Variants in DISC1 observed in about 807,000 individuals in gnomAD.
DISC1 encodes the protein DISC1 scaffold protein.
DISC1 carries 57 observed loss-of-function variants against 84.5 expected under a neutral mutation model. The observed-to-expected ratio is 0.67, with a 90% CI of 0.55 to 0.84. The LOEUF is 0.84. DISC1 is among the 40% of genes least tolerant of loss of function. The probability of loss-of-function intolerance (pLI) is 0.00; values close to 1 mark genes in which losing one functional copy is unlikely to be tolerated. For synonymous variants in DISC1, 411 were observed against 415.2 expected (o/e 0.99, Z 0.12); for missense variants, 1,000 against 1,057.8 (o/e 0.95, Z 0.76).
chr1:231,752,437 C>T (rs898751498), intron 4 of DISC1, among the ~76,000 whole-genome samples: 11 of 152,130 alleles, frequency 7.2e-5, no homozygotes, highest in African/African-American at 2.4e-4. Context: ...AACGAGATCT[C>T]ATGAGAACTC....
intron 11 of DISC1, among the ~76,000 whole-genome samples, chr1:232,016,712 A>T (rs901787599): frequency 1.3e-5 from 2 of 152,222 alleles, no homozygotes; most frequent in African/African-American, 4.8e-5. Flanking sequence ...TTTTATTTAG[A>T]GCTTGTTTCT....
At chr1:231,655,036 A>G (rs2125318147) in intron 1 of DISC1, among the ~76,000 whole-genome samples, 1 of 152,314 alleles carries the variant, frequency 6.6e-6, no homozygotes, top group South Asian at 2.1e-4. Flanking sequence ...CTTTACACTC[A>G]GAAGTTTCTG....
At chr1:231,653,485 G>A (rs990368796) in intron 1 of DISC1, among the ~76,000 whole-genome samples, 4 of 152,164 alleles carry the variant, frequency 2.6e-5, no homozygotes, top group African/African-American at 9.7e-5. Context: ...AACTGGAAGT[G>A]GCAGATACTG....
chr1:231,653,143 T>A (rs2060777896), intron 1 of DISC1, among the ~76,000 whole-genome samples: 1 of 152,240 alleles, frequency 6.6e-6, no homozygotes, highest in Non-Finnish European at 1.5e-5. Flanking sequence ...TAAATTGGAA[T>A]GTTCATAGTT....
intron 12 of DISC1, among the ~76,000 whole-genome samples, chr1:232,030,616 C>T (rs1021570669): frequency 1.1e-4 from 16 of 152,180 alleles, no homozygotes; most frequent in African/African-American, 7.2e-5. Context: ...CTAAATACAT[C>T]CAGGTTTGTG....
intron 4 of DISC1, among the ~76,000 whole-genome samples, chr1:231,751,703 CAT>C (rs1351781000): frequency 6.6e-6 from 1 of 152,202 alleles, no homozygotes; most frequent in Non-Finnish European, 1.5e-5. Context: ...CTGTGTACCT[CAT>C]AGAAGTGACA....
intron 6 of DISC1, among the ~76,000 whole-genome samples, chr1:231,776,380 G>A (rs919036843): frequency 2.6e-5 from 4 of 152,152 alleles, no homozygotes; most frequent in Admixed American, 2.6e-4. Flanking sequence ...ATGAATTGTC[G>A]CTTGTTGTGC....
At chr1:231,780,216 A>G (rs1444276794) in intron 6 of DISC1, among the ~76,000 whole-genome samples, 1 of 137,934 alleles carries the variant, frequency 7.2e-6, no homozygotes, top group Non-Finnish European at 1.5e-5. Context: ...GTGCACATGT[A>G]CCCTAAAACT....
intron 11 of DISC1, among the ~76,000 whole-genome samples, chr1:232,016,069 G>C (rs1668468708): frequency 6.6e-6 from 1 of 152,146 alleles, no homozygotes; most frequent in South Asian, 2.1e-4. Flanking sequence ...AACTACAGGG[G>C]TGCCTGAGAC....
At chr1:231,844,616 T>C (rs1408165381) in intron 9 of DISC1, among the ~76,000 whole-genome samples, 1 of 151,976 alleles carries the variant, frequency 6.6e-6, no homozygotes, top group Non-Finnish European at 1.5e-5. Flanking sequence ...GCTTCCAGGT[T>C]ATAGGAAGGT....
intron 4 of DISC1, chr1:231,750,428 A>G: frequency 9.6e-7 from 1 of 1,040,180 alleles, no homozygotes; most frequent in Non-Finnish European, 1.2e-6. Flanking sequence ...TTAAGCCTGT[A>G]AGATAAACAG....
Position 232,014,218 on chromosome 1 carries a change from A to T in DISC1, c.2307+5169A>T, listed in dbSNP as rs148626335. On this transcript the variant is annotated intron_variant, in intron 11 of 12. Coordinates refer to ENST00000439617, the MANE Select transcript of DISC1 (RefSeq NM_018662.3). ...TCCTCTTCAGCCATAATGGGTGCAG[A>T]TCTGATTCTTTCTCTTCTCTGACAC... Among the ~76,000 whole-genome samples the T allele has an allele frequency of 3.9e-5, 6 of 152,284 alleles. No individual in the cohort carries two copies. In the East Asian group the frequency reaches 1.2e-3, roughly 29 times the overall value.
intron 11 of DISC1, among the ~76,000 whole-genome samples, chr1:232,016,433 G>A (rs1165134108): frequency 2.0e-5 from 3 of 152,122 alleles, no homozygotes; most frequent in Non-Finnish European, 2.9e-5. Flanking sequence ...CTGTATCTAG[G>A]TACTAGCCGG....
At chr1:231,713,593 G>A (rs911853675) in intron 3 of DISC1, among the ~76,000 whole-genome samples, 1 of 150,636 alleles carries the variant, frequency 6.6e-6, no homozygotes, top group Non-Finnish European at 1.5e-5. Context: ...ATACTACAAT[G>A]GAAATTATTG....
At chr1:231,766,875 G>A (rs763892950) in intron 4 of DISC1, among the ~76,000 whole-genome samples, 1 of 152,104 alleles carries the variant, frequency 6.6e-6, no homozygotes, top group Admixed American at 6.5e-5. Context: ...CTAACCATGT[G>A]TCACATGTGG....
At position 232,030,455 on chromosome 1, in the gene DISC1, C is replaced by T. The variant is rs117937524; in HGVS notation, c.2425+3903C>T. ...GCCCTCAGGGCAGTTCTGCCTGGCC[C>T]TCAGTCATAGACGAGGTAGAGACAC... On this transcript the variant is annotated intron_variant, in intron 12 of 12. Coordinates refer to ENST00000439617, the MANE Select transcript of DISC1 (RefSeq NM_018662.3). Among the ~76,000 whole-genome samples the T allele has an allele frequency of 3.5e-4, 53 of 152,296 alleles. No homozygotes were observed. In the East Asian group the frequency reaches 9.1e-3, roughly 26 times the overall value.
At chr1:232,024,741 C>T (rs942299067) in intron 11 of DISC1, among the ~76,000 whole-genome samples, 6 of 151,692 alleles carry the variant, frequency 4.0e-5, no homozygotes, top group Middle Eastern at 3.4e-3. Flanking sequence ...TACAGGCGCC[C>T]ACCACCACGC....
At chr1:231,833,398 C>T (rs1574149697) in intron 9 of DISC1, among the ~76,000 whole-genome samples, 1 of 151,642 alleles carries the variant, frequency 6.6e-6, no homozygotes, top group African/African-American at 2.4e-5. Context: ...TTACCCTCCA[C>T]TGTGAGAGTT....
Position 231,787,644 on chromosome 1 carries a change from A to T in DISC1, c.1635-7598A>T, listed in dbSNP as rs1192530643. Reference sequence around the variant, plus strand: ...TTCCGACACGTGAATTCTGGAGGACACATTGACATTATAGCAATAGCTATA... The same window carrying T: ...TTCCGACACGTGAATTCTGGAGGACTCATTGACATTATAGCAATAGCTATA... On this transcript the variant is annotated intron_variant, in intron 6 of 12. Coordinates refer to ENST00000439617, the MANE Select transcript of DISC1 (RefSeq NM_018662.3). Among the ~76,000 whole-genome samples, 4 of 152,348 alleles carry T rather than the reference A, an allele frequency of 2.6e-5. No individual in the cohort carries two copies. The East Asian group carries it at 7.7e-4, about 29-fold the overall frequency.
Sources: gnomAD v4.1 joint callset for allele counts (sites outside exome capture counted in the v4.1 genomes callset) on GRCh38, gnomAD v4.1.1 for gene constraint, MANE v1.5 for transcripts, NCBI Gene and HGNC (gene_info 2026-07-23, HGNC 2026-07-21) for gene names.